Variants in FRRS1 observed in about 807,000 individuals in gnomAD.
FRRS1 encodes the protein ferric chelate reductase 1.
FRRS1 carries 51 observed loss-of-function variants against 70.7 expected under a neutral mutation model. The ratio of observed to expected loss-of-function variants is 0.72; its 90% CI spans 0.58 to 0.91. The LOEUF (loss-of-function observed/expected upper bound fraction) is 0.91, where lower values mean the gene tolerates loss of function less well. FRRS1 is among the 40% of genes least tolerant of loss of function. FRRS1 has a pLI of 0.00. For missense variants in FRRS1, 672 were observed against 726.0 expected, an observed-to-expected ratio of 0.93 and a Z score of 0.86; for synonymous variants, 225 against 238.7, an observed-to-expected ratio of 0.94 and a Z score of 0.53.
intron 7 of FRRS1, among the ~76,000 whole-genome samples, chr1:99,735,360 T>C (rs1370653626): frequency 6.6e-6 from 1 of 152,170 alleles, no homozygotes; most frequent in Admixed American, 6.5e-5. Context: ...AGGTCTAACA[T>C]ACCAAAATAA....
chr1:99,716,077 T>C (rs1654511167), intron 11 of FRRS1, among the ~76,000 whole-genome samples: 1 of 152,174 alleles, frequency 6.6e-6, no homozygotes, highest in Non-Finnish European at 1.5e-5. Context: ...AAATACTGTC[T>C]CCTGAGGAGC....
intron 11 of FRRS1, 152 bp from the exon 12 acceptor site, chr1:99,715,824 G>GA (rs371969010): frequency 0.22 from 80,690 of 368,086 alleles, 2 homozygotes; most frequent in South Asian, 0.3. Flanking sequence ...GCCAGGTTAA[G>GA]AAAAAAAAAA....
intron 9 of FRRS1, among the ~76,000 whole-genome samples, chr1:99,726,150 C>A (rs1417188584): frequency 6.6e-6 from 1 of 152,052 alleles, no homozygotes; most frequent in African/African-American, 2.4e-5. Flanking sequence ...AAGGAGATCT[C>A]GTTGTTTAAA....
At chr1:99,743,131 C>T (rs1656056604) in intron 4 of FRRS1, among the ~76,000 whole-genome samples, 2 of 152,170 alleles carry the variant, frequency 1.3e-5, no homozygotes, top group Non-Finnish European at 2.9e-5. Context: ...CTTCAAACTA[C>T]TTTACCTTTT....
intron 11 of FRRS1, among the ~76,000 whole-genome samples, chr1:99,716,044 T>C (rs1654508544): frequency 6.6e-6 from 1 of 152,134 alleles, no homozygotes; most frequent in Non-Finnish European, 1.5e-5. Context: ...TGCAATGAGA[T>C]AGTAAGGAAA....
intron 10 of FRRS1, among the ~76,000 whole-genome samples, chr1:99,718,112 A>G (rs1442352026): frequency 6.6e-6 from 1 of 152,232 alleles, no homozygotes; most frequent in Non-Finnish European, 1.5e-5. Flanking sequence ...GCATTTATCG[A>G]AAACTTTACT....
intron 4 of FRRS1, among the ~76,000 whole-genome samples, chr1:99,745,683 C>CTAAATAAATAAA (rs58780688): frequency 0.49 from 74,298 of 151,266 alleles, 22,161 homozygotes; most frequent in African/African-American, 0.84. Context: ...GACTCTGTCT[C>CTAAATAAATAAA]TAAATAAATA....
At chr1:99,731,522 A>G (rs1484044662) in intron 7 of FRRS1, among the ~76,000 whole-genome samples, 1 of 152,248 alleles carries the variant, frequency 6.6e-6, no homozygotes, top group Non-Finnish European at 1.5e-5. Flanking sequence ...CCAGGAGTCA[A>G]CAAACCATGG....
chr1:99,740,930 CA>C lies in FRRS1; in HGVS notation c.438del (p.Val147LeufsTer9), dbSNP rs1557699265. 2 of 1,611,340 alleles carry C rather than the reference CA, an allele frequency of 1.2e-6. No individual in the cohort carries two copies. Among genetic ancestry groups the C allele is most frequent in the South Asian group, 2.2e-5 (2 of 91,018 alleles). On this transcript the variant is annotated frameshift_variant, in exon 6 of 17. Coordinates refer to ENST00000646001, the MANE Select transcript of FRRS1 (RefSeq NM_001361041.2). LOFTEE classifies it high-confidence loss of function. ...APNHTQFLVT[V>X]VEKYKIYWVK... is the part of the protein sequence containing the mutation. The stretch of plus-strand genomic sequence containing the variant: ...ACCCAGTAGATTTTATACTTCTCAA[CA>C]ACTGTGACTCTGAAATGCAATACCA...
rs1247176929 is a variant in FRRS1 at position 99,747,336 on chromosome 1, A to C, written c.291T>G (p.Ile97Met). The C allele has an allele frequency of 6.2e-7, 1 of 1,613,932 alleles. No individual in the cohort carries two copies. The highest frequency in any genetic ancestry group is 8.5e-7 in the Non-Finnish European group (1 of 1,179,938). ...TCAAAAGTTGTGACACTTCACTGTC[A>C]ATCAATGTGAAGGAGCCAATAGGAG... ...NGPPIGSFTL[I>M]DSEVSQLLTC... is the part of the protein sequence containing the mutation. Residue 97 changes from isoleucine (I) to methionine (M), a missense_variant, in exon 4 of 17, where the codon ATT becomes ATG. By Grantham distance (10) the Ile-to-Met change is conservative (BLOSUM62 1). Coordinates refer to ENST00000646001, the MANE Select transcript of FRRS1 (RefSeq NM_001361041.2).
intron 7 of FRRS1, among the ~76,000 whole-genome samples, chr1:99,732,414 T>C (rs1655437610): frequency 6.6e-6 from 1 of 152,200 alleles, no homozygotes; most frequent in Non-Finnish European, 1.5e-5. Flanking sequence ...ATTATAAGAA[T>C]ATGGCTCTTA....
chr1:99,725,317 T>C (rs1305124478), intron 9 of FRRS1, among the ~76,000 whole-genome samples: 1 of 152,192 alleles, frequency 6.6e-6, no homozygotes, highest in East Asian at 1.9e-4. Flanking sequence ...TACATTAAAA[T>C]ATTTAAAATT....
At chr1:99,715,176 C>T (rs1654458682) in intron 12 of FRRS1, among the ~76,000 whole-genome samples, 1 of 152,108 alleles carries the variant, frequency 6.6e-6, no homozygotes, top group South Asian at 2.1e-4. Flanking sequence ...AATTAGATAA[C>T]ACATATAAAG....
Position 99,748,622 on chromosome 1 carries a change from A to G in FRRS1, c.147T>C (p.His49=). The G allele has an allele frequency of 6.2e-7, 1 of 1,614,120 alleles. No homozygotes were observed. Among genetic ancestry groups the G allele is most frequent in the Non-Finnish European group, 8.5e-7 (1 of 1,179,962 alleles). The change falls in exon 3 of 17, where the codon CAT becomes CAC. Residue 49 remains histidine, a synonymous_variant. Coordinates refer to ENST00000646001, the MANE Select transcript of FRRS1 (RefSeq NM_001361041.2). The part of the protein sequence containing the change: ...HGHSPQSVPV[H]DIYVSQMTFR... ...ATGTCATCTGACTCACGTAAATGTC[A>G]TGAACAGGAACAGACTGTGGACTAT...
chr1:99,714,100 G>A (rs1197498285), intron 12 of FRRS1, among the ~76,000 whole-genome samples: 1 of 151,998 alleles, frequency 6.6e-6, no homozygotes, highest in African/African-American at 2.4e-5. Context: ...AAGGTCCCTG[G>A]AAGAACTTTG....
In FRRS1 at chr1:99,704,823, C is replaced by A. The variant is rs546164753; in HGVS notation, c.*4205G>T. 1.3e-5 allele frequency among the ~76,000 whole-genome samples: 2 copies of A among 152,106 alleles called. No individual in the cohort carries two copies. Among genetic ancestry groups the A allele is most frequent in the Non-Finnish European group, 2.9e-5 (2 of 68,014 alleles). On this transcript the variant is annotated 3_prime_UTR_variant, in exon 17 of 17. Coordinates refer to ENST00000646001, the MANE Select transcript of FRRS1 (RefSeq NM_001361041.2). The stretch of plus-strand genomic sequence containing the variant: ...AGGAGGAACAGTTGGCGGAGTTTGG[C>A]CGGGGCAATCAGAGGAGAGCCCAGG...
At chr1:99,736,676 C>A (rs4622082) in intron 7 of FRRS1, among the ~76,000 whole-genome samples, 8 of 136,312 alleles carry the variant, frequency 5.9e-5, no homozygotes, top group African/African-American at 1.4e-4. Context: ...GTTAAATGAC[C>A]AGTTAATGGG....
In FRRS1 at chr1:99,711,045, A is replaced by G. The variant is rs1654249798; in HGVS notation, c.1481-96T>C. The G allele has an allele frequency of 8.8e-6, 9 of 1,022,712 alleles. No individual in the cohort carries two copies. The South Asian group carries it at 1.6e-4, about 18-fold the overall frequency. 63.4% of individuals were successfully genotyped at this position (1,022,712 alleles called of 1,614,324 possible). On this transcript the variant is annotated intron_variant, in intron 14 of 16. Coordinates refer to ENST00000646001, the MANE Select transcript of FRRS1 (RefSeq NM_001361041.2). ...GTGTATTATCAAGTAAAACATACTA[A>G]AAGAGTTTGAGATAAAAGAAGATTA...
At chr1:99,728,442 GGAA>G (rs1655173830) in intron 9 of FRRS1, 48 bp downstream of exon 9, 1 of 1,437,874 alleles carries the variant, frequency 7.0e-7, no homozygotes, top group Non-Finnish European at 9.5e-7. Flanking sequence ...GGAAAGAGAG[GGAA>G]GAAGAGAGAA....
Sources: allele counts gnomAD v4.1 joint callset (sites outside exome capture counted in the v4.1 genomes callset), GRCh38; gene constraint gnomAD v4.1.1; transcripts MANE v1.5; gene names NCBI Gene and HGNC (gene_info 2026-07-23, HGNC 2026-07-21).